PFKFB3: variants seen among roughly 807,000 people sequenced by gnomAD.
The protein encoded by PFKFB3 is 6-phosphofructo-2-kinase/fructose-2,6-bisphosphatase 3.
PFKFB3 carries 33 observed loss-of-function variants against 68.0 expected under a neutral mutation model. The ratio of observed to expected loss-of-function variants is 0.49; its 90% confidence interval spans 0.37 to 0.65. PFKFB3 has a LOEUF of 0.65. Ranked by LOEUF, PFKFB3 falls within the 30% of genes least tolerant of loss-of-function variation. The pLI is 0.00. For synonymous variants in PFKFB3, 315 were observed against 288.2 expected (o/e 1.09, Z -0.94); for missense variants, 586 against 712.2 (o/e 0.82, Z 2.02).
At chr10:6,295,947 T>G in the PFKFB3 span, among the ~76,000 whole-genome samples, 2 of 152,220 alleles carry the variant, frequency 1.3e-5, no homozygotes, top group South Asian at 2.1e-4. Context: ...TAGTTTACAC[T>G]GAGCCTCCAG....
At chr10:6,184,158 T>A (rs997819112) in intron 1 of PFKFB3, among the ~76,000 whole-genome samples, 1 of 151,986 alleles carries the variant, frequency 6.6e-6, no homozygotes, top group Non-Finnish European at 1.5e-5. Context: ...GTTCAAGTGA[T>A]CCTTGTGCGT....
chr10:6,281,819 A>G, the PFKFB3 span, among the ~76,000 whole-genome samples: 1 of 152,168 alleles, frequency 6.6e-6, no homozygotes, highest in African/African-American at 2.4e-5. Context: ...TCACTTTAGT[A>G]AGAAGGCAGA....
chr10:6,242,592 A>ATTTTTT (rs377078975), intron 14 of PFKFB3, among the ~76,000 whole-genome samples: 4 of 146,650 alleles, frequency 2.7e-5, no homozygotes, highest in South Asian at 4.6e-4. Context: ...TTCTGTAAAC[A>ATTTTTT]TTTTTTTTTT....
intron 3 of PFKFB3, 43 bp from the exon 4 acceptor site, chr10:6,216,082 A>T: frequency 6.3e-7 from 1 of 1,579,040 alleles, no homozygotes; most frequent in Non-Finnish European, 8.7e-7. Context: ...GCCCCAGCGG[A>T]TGCACCGGCG....
rs11541590 is a variant in PFKFB3, at chr10:6,233,535, G to A, written c.*593G>A. On this transcript the variant is annotated 3_prime_UTR_variant, in exon 15 of 15. Transcript: ENST00000379775. Reference sequence around the variant, plus strand: ...GAGACGCAAGTTGGCTGGGTGGTCCGCACCCTGGCTCTCCTGCAGGTCCAC... The same window carrying A: ...GAGACGCAAGTTGGCTGGGTGGTCCACACCCTGGCTCTCCTGCAGGTCCAC... 0.27 allele frequency: 41,113 copies of A among 152,476 alleles called. 5,877 individuals carry two copies. The highest frequency in any genetic ancestry group is 0.34 in the African/African-American group (13,975 of 41,498). 9.4% of individuals were successfully genotyped at this position (152,476 alleles called of 1,614,324 possible).
At chr10:6,238,384 T>G (rs1846067286), downstream of PFKFB3, among the ~76,000 whole-genome samples, 1 of 149,374 alleles carries the variant, frequency 6.7e-6, no homozygotes, top group Non-Finnish European at 1.5e-5. Context: ...AGGCTGGTCT[T>G]GAACTCCTGA....
At chr10:6,310,981 T>A in the PFKFB3 span, among the ~76,000 whole-genome samples, 1 of 152,182 alleles carries the variant, frequency 6.6e-6, no homozygotes, top group Non-Finnish European at 1.5e-5. Flanking sequence ...GTTTTGCAGA[T>A]TAATAAACTG....
chr10:6,263,446 G>T, the PFKFB3 span, among the ~76,000 whole-genome samples: 2 of 152,202 alleles, frequency 1.3e-5, no homozygotes, highest in South Asian at 4.1e-4. Flanking sequence ...GCCAGTTTTG[G>T]GGCCAGTTTA....
intron 3 of PFKFB3, 45 bp from the exon 4 acceptor site, chr10:6,216,080 G>A (rs756200144): frequency 3.6e-5 from 57 of 1,572,464 alleles, no homozygotes; most frequent in East Asian, 6.7e-5. Context: ...CTGCCCCAGC[G>A]GATGCACCGG....
chr10:6,219,789 A>C, intron 7 of PFKFB3, 96 bp downstream of exon 7: 3 of 1,043,184 alleles, frequency 2.9e-6, no homozygotes, highest in Non-Finnish European at 4.0e-6. Flanking sequence ...GGATACCTTT[A>C]AAAAAATTTT....
At chr10:6,246,287 AT>A (rs1372048876) in intron 14 of PFKFB3, among the ~76,000 whole-genome samples, 8 of 151,458 alleles carry the variant, frequency 5.3e-5, no homozygotes, top group African/African-American at 1.9e-4. Flanking sequence ...TGATTTATTT[AT>A]TTTTTTCTTG....
rs953505435 is a variant in PFKFB3, at chr10:6,220,035, C to T, written c.623+342C>T. Reference sequence around the variant, plus strand: ...TGAGCCTGATTTTGCTACTGTCCCTCCGATAGTTCCTTTCTTTTTTCTTTC... The same window carrying T: ...TGAGCCTGATTTTGCTACTGTCCCTTCGATAGTTCCTTTCTTTTTTCTTTC... On this transcript the variant is annotated intron_variant, in intron 7 of 14. Transcript: ENST00000379775. The surrounding 1 kb of genome is among the most constrained non-coding windows in gnomAD (Gnocchi z 4.1). 4.6e-5 allele frequency among the ~76,000 whole-genome samples: 7 copies of T among 152,282 alleles called. No individual in the cohort carries two copies. The highest frequency in any genetic ancestry group is 3.9e-4 in the Admixed American group (6 of 15,298).
At chr10:6,278,871 A>G in the PFKFB3 span, among the ~76,000 whole-genome samples, 16 of 152,270 alleles carry the variant, frequency 1.1e-4, 1 homozygote, top group African/African-American at 3.9e-4. Flanking sequence ...TTTTAGACTT[A>G]GACAGACTCG....
chr10:6,192,523 G>A (rs1412069266), intron 1 of PFKFB3, among the ~76,000 whole-genome samples: 1 of 152,146 alleles, frequency 6.6e-6, no homozygotes, highest in Non-Finnish European at 1.5e-5. Context: ...CTGCAGTCAT[G>A]GGCCGGCCTT....
chr10:6,176,817 A>G (rs1472333955), intron 1 of PFKFB3, among the ~76,000 whole-genome samples: 1 of 152,224 alleles, frequency 6.6e-6, no homozygotes, highest in African/African-American at 2.4e-5. Flanking sequence ...TTTCTGGAAG[A>G]CTAATGGCTT....
chr10:6,298,532 A>T, the PFKFB3 span, among the ~76,000 whole-genome samples: 1 of 151,918 alleles, frequency 6.6e-6, no homozygotes, highest in Non-Finnish European at 1.5e-5. Flanking sequence ...TTCCTGGATA[A>T]TTTTTAAATA....
At chr10:6,268,848 C>G in the PFKFB3 span, among the ~76,000 whole-genome samples, 2 of 151,152 alleles carry the variant, frequency 1.3e-5, no homozygotes, top group East Asian at 1.9e-4. Context: ...TTGGCAAAAC[C>G]CTGTTTTTAC....
intron 1 of PFKFB3, among the ~76,000 whole-genome samples, chr10:6,179,298 T>C (rs953407521): frequency 1.3e-5 from 2 of 152,356 alleles, no homozygotes; most frequent in Admixed American, 6.5e-5. Context: ...GAGCAGTGGA[T>C]GAGGGCGAAG....
At chr10:6,263,322 C>T in the PFKFB3 span, among the ~76,000 whole-genome samples, 2 of 152,250 alleles carry the variant, frequency 1.3e-5, no homozygotes, top group Non-Finnish European at 1.5e-5. Flanking sequence ...GCGGTTTTCC[C>T]GCCCTGGGTG....
Sources: allele counts gnomAD v4.1 joint callset (sites outside exome capture counted in the v4.1 genomes callset), GRCh38; gene constraint gnomAD v4.1.1; non-coding constraint Gnocchi (gnomAD v3.1); transcripts MANE v1.5; gene names NCBI Gene and HGNC (gene_info 2026-07-23, HGNC 2026-07-21).